NTNG1: variants seen among roughly 807,000 people sequenced by gnomAD.
NTNG1 encodes the protein netrin G1.
Under a neutral mutation model 54.0 loss-of-function variants are expected in NTNG1, and 16 were observed. The observed-to-expected ratio is 0.30, with a 90% CI of 0.20 to 0.45. The LOEUF (loss-of-function observed/expected upper bound fraction) is 0.45, where lower values mean the gene tolerates loss of function less well. NTNG1 is among the 20% of genes least tolerant of loss of function. NTNG1 has a pLI of 1.00. For synonymous variants in NTNG1, 255 were observed against 263.1 expected, an observed-to-expected ratio of 0.97 and a Z score of 0.30; for missense variants, 530 against 678.7, an observed-to-expected ratio of 0.78 and a Z score of 2.43.
chr1:107,199,467 A>G lies in NTNG1; in HGVS notation c.246+50628A>G, dbSNP rs549049884. Among the ~76,000 whole-genome samples, 4 of 152,044 alleles carry G rather than the reference A, an allele frequency of 2.6e-5. No individual in the cohort carries two copies. In the East Asian group the frequency reaches 7.8e-4, roughly 29 times the overall value. On this transcript the variant is annotated intron_variant, in intron 2 of 7. Transcript: ENST00000370068. ...TGCAGTCCTATAATCATTGCAAAAC[A>G]TTTGCTTATTAAAAATATGTACTGG...
intron 7 of NTNG1, among the ~76,000 whole-genome samples, chr1:107,444,511 G>A (rs1250549776): frequency 6.6e-6 from 1 of 152,088 alleles, no homozygotes; most frequent in Non-Finnish European, 1.5e-5. Flanking sequence ...CATACCAGAC[G>A]GCAATTCCAG....
intron 3 of NTNG1, among the ~76,000 whole-genome samples, chr1:107,359,055 G>C (rs1670109176): frequency 6.6e-6 from 1 of 152,146 alleles, no homozygotes; most frequent in African/African-American, 2.4e-5. Context: ...ATCTGAACAA[G>C]GCAACTTAAA....
At position 107,290,981 on chromosome 1, in the gene NTNG1, A is replaced by AT. The variant is rs1557873535; in HGVS notation, c.247-33300dup. On this transcript the variant is annotated intron_variant, in intron 2 of 7. Coordinates refer to ENST00000370068, the MANE Select transcript of NTNG1 (RefSeq NM_001113226.3). ...ATATATATTATATATATATATATAT[A>AT]TATACACACACACATACATACACAC... Among the ~76,000 whole-genome samples the AT allele has an allele frequency of 1.8e-3, 257 of 144,716 alleles. 2 individuals are homozygous for AT. The highest frequency in any genetic ancestry group is 6.1e-3 in the African/African-American group (231 of 37,636). The allele number at this position is 144,716 out of a possible 152,430, so 94.9% of individuals were successfully genotyped here.
At chr1:107,288,614 A>G (rs1665370925) in intron 2 of NTNG1, among the ~76,000 whole-genome samples, 1 of 152,198 alleles carries the variant, frequency 6.6e-6, no homozygotes, top group African/African-American at 2.4e-5. Flanking sequence ...AAGGTGGTAT[A>G]GTATGAAGCC....
intron 2 of NTNG1, among the ~76,000 whole-genome samples, chr1:107,224,878 AC>A (rs759852874): frequency 4.0e-5 from 6 of 151,836 alleles, no homozygotes; most frequent in African/African-American, 1.5e-4. Context: ...CTGGTCTGAG[AC>A]CCCCCTCTGC....
chr1:107,440,454 G>A (rs370384589), intron 7 of NTNG1, among the ~76,000 whole-genome samples: 1 of 152,248 alleles, frequency 6.6e-6, no homozygotes, highest in East Asian at 1.9e-4. Context: ...TAAGCCTGGT[G>A]TTTCATCTAA....
At chr1:107,386,997 A>T (rs540843577) in intron 3 of NTNG1, among the ~76,000 whole-genome samples, 1 of 152,362 alleles carries the variant, frequency 6.6e-6, no homozygotes, top group East Asian at 1.9e-4. Flanking sequence ...CCTTAATGAC[A>T]AATAATGTTG....
intron 2 of NTNG1, among the ~76,000 whole-genome samples, chr1:107,263,603 A>G (rs1663519732): frequency 6.6e-6 from 1 of 152,188 alleles, no homozygotes; most frequent in South Asian, 2.1e-4. Flanking sequence ...CATCTATGCT[A>G]ATTAGCCTTA....
intron 6 of NTNG1, among the ~76,000 whole-genome samples, chr1:107,434,113 A>C (rs779594293): frequency 2.2e-4 from 34 of 152,228 alleles, no homozygotes; most frequent in Admixed American, 4.6e-4. Flanking sequence ...ATCTACATTA[A>C]AAATAAAAAA....
Position 107,239,094 on chromosome 1 carries a change from C to T in NTNG1, c.247-85188C>T, listed in dbSNP as rs1323885648. ...TAGAAAGTGCTATGAAATCACAAGTCGGGGAGCAAATATAATGCCTAGGAT... is the reference window on the plus strand; with the variant it reads ...TAGAAAGTGCTATGAAATCACAAGTTGGGGAGCAAATATAATGCCTAGGAT... On this transcript the variant is annotated intron_variant, in intron 2 of 7. Coordinates refer to ENST00000370068, the MANE Select transcript of NTNG1 (RefSeq NM_001113226.3). 2.0e-5 allele frequency among the ~76,000 whole-genome samples: 3 copies of T among 151,942 alleles called. No individual in the cohort carries two copies. The South Asian group carries it at 6.2e-4, about 32-fold the overall frequency.
At chr1:107,209,865 A>C (rs1659484925) in intron 2 of NTNG1, among the ~76,000 whole-genome samples, 1 of 150,902 alleles carries the variant, frequency 6.6e-6, no homozygotes, top group African/African-American at 2.4e-5. Flanking sequence ...CAGGTCCATC[A>C]CCGTTCTTTC....
chr1:107,305,983 C>T (rs748576494), intron 2 of NTNG1, among the ~76,000 whole-genome samples: 5 of 152,126 alleles, frequency 3.3e-5, no homozygotes, highest in Non-Finnish European at 7.4e-5. Flanking sequence ...TCCTGGACTA[C>T]TGCTGGAAAC....
chr1:107,427,621 C>T (rs918398239), intron 5 of NTNG1, among the ~76,000 whole-genome samples: 1 of 152,114 alleles, frequency 6.6e-6, no homozygotes, highest in East Asian at 1.9e-4. Flanking sequence ...TTTATATTCT[C>T]AAATATATTA....
rs994529646 is a variant in NTNG1 at position 107,408,013 on chromosome 1, T to C, written c.1087+305T>C. 5.4e-6 allele frequency: 3 copies of C among 552,052 alleles called. No homozygotes were observed. In the African/African-American group the frequency reaches 5.6e-5, roughly 10 times the overall value. 34.2% of individuals were successfully genotyped at this position (552,052 alleles called of 1,614,324 possible). On this transcript the variant is annotated intron_variant, in intron 5 of 7. Transcript: ENST00000370068. ...AATCATCATTCAGGAAAAATATAAG[T>C]AGTCCTATTTATCCATACTTAGCAA...
chr1:107,473,029 T>A (rs1571039555), intron 7 of NTNG1, among the ~76,000 whole-genome samples: 1 of 152,070 alleles, frequency 6.6e-6, no homozygotes, highest in East Asian at 1.9e-4. Flanking sequence ...TTGGTGGAGG[T>A]TATTCACTCT....
At chr1:107,272,548 A>G (rs1664214623) in intron 2 of NTNG1, among the ~76,000 whole-genome samples, 1 of 152,150 alleles carries the variant, frequency 6.6e-6, no homozygotes, top group Non-Finnish European at 1.5e-5. Context: ...GTGGCGCAAG[A>G]TGGGAACTTC....
chr1:107,182,031 T>A (rs989711020), intron 2 of NTNG1, among the ~76,000 whole-genome samples: 1 of 152,124 alleles, frequency 6.6e-6, no homozygotes, highest in Non-Finnish European at 1.5e-5. Context: ...CCATTTGCAA[T>A]TTCTCTTTAA....
chr1:107,440,579 C>T (rs1351592274), intron 7 of NTNG1, among the ~76,000 whole-genome samples: 1 of 152,134 alleles, frequency 6.6e-6, no homozygotes, highest in Non-Finnish European at 1.5e-5. Context: ...TACTTCCAAG[C>T]ACATGTTGAT....
At chr1:107,352,208 C>G (rs1478043333) in intron 3 of NTNG1, among the ~76,000 whole-genome samples, 1 of 152,200 alleles carries the variant, frequency 6.6e-6, no homozygotes, top group Non-Finnish European at 1.5e-5. Flanking sequence ...TTCTCACAGA[C>G]CCACTAGGCA....
Sources: allele counts gnomAD v4.1 joint callset (sites outside exome capture counted in the v4.1 genomes callset), GRCh38; gene constraint gnomAD v4.1.1; transcripts MANE v1.5; gene names NCBI Gene and HGNC (gene_info 2026-07-23, HGNC 2026-07-21).